Variants in POU2F3 observed in about 807,000 individuals in gnomAD.
POU2F3 encodes the protein POU domain, class 2, transcription factor 3.
POU2F3 carries 23 observed loss-of-function variants against 59.2 expected under a neutral mutation model. That is an observed-to-expected ratio of 0.39 (90% CI 0.28 to 0.55). The LOEUF (loss-of-function observed/expected upper bound fraction) is 0.55, where lower values mean the gene tolerates loss of function less well. POU2F3 is among the 20% of genes least tolerant of loss of function. The pLI is 0.66. For synonymous variants in POU2F3, 190 were observed against 214.6 expected (o/e 0.89, Z 1.00); for missense variants, 473 against 544.5 (o/e 0.87, Z 1.31).
chr11:120,236,648 A>G (rs978854175), upstream of POU2F3: 35 of 1,479,428 alleles, frequency 2.4e-5, no homozygotes, highest in African/African-American at 3.5e-4. Context: ...ATCTCACTCC[A>G]GCCCAGAGCT....
At chr11:120,262,763 G>A (rs1414713626) in intron 2 of POU2F3, among the ~76,000 whole-genome samples, 1 of 152,188 alleles carries the variant, frequency 6.6e-6, no homozygotes, top group Non-Finnish European at 1.5e-5. Context: ...TCTTAAAAGT[G>A]GAGCATATCT....
chr11:120,297,802 A>G (rs575139553), intron 3 of POU2F3, among the ~76,000 whole-genome samples: 5 of 152,136 alleles, frequency 3.3e-5, no homozygotes, highest in South Asian at 2.1e-4. Flanking sequence ...ACAGGGTCTC[A>G]CTGTGTCACC....
Position 120,315,356 on chromosome 11 carries a change from TTCAGGTA to T in POU2F3, c.1069-2_1073del. The T allele has an allele frequency of 6.2e-7, 1 of 1,611,472 alleles. No homozygotes were observed. Among genetic ancestry groups the T allele is most frequent in the Non-Finnish European group, 8.5e-7 (1 of 1,177,586 alleles). On this transcript the variant is annotated splice_acceptor_variant and splice_polypyrimidine_tract_variant and coding_sequence_variant and intron_variant, in exon 11 of 13. Coordinates refer to ENST00000543440, the MANE Select transcript of POU2F3 (RefSeq NM_014352.4). LOFTEE classifies it high-confidence loss of function. ...GGACATTTACAAGCTTCTGTTGTTT[TTCAGGTA>T]TCTCCCTCAGGGTCTCTGGGCCCCC...
At chr11:120,309,165 A>G (rs904982468) in intron 9 of POU2F3, among the ~76,000 whole-genome samples, 3 of 152,072 alleles carry the variant, frequency 2.0e-5, no homozygotes, top group Non-Finnish European at 4.4e-5. Context: ...GACAGTTTAC[A>G]CACATTTTCT....
At chr11:120,318,141 T>C (rs1941836137) in intron 12 of POU2F3, among the ~76,000 whole-genome samples, 1 of 152,202 alleles carries the variant, frequency 6.6e-6, no homozygotes, top group Non-Finnish European at 1.5e-5. Context: ...GAGGTATAAT[T>C]CATATACCAT....
intron 2 of POU2F3, among the ~76,000 whole-genome samples, chr11:120,254,465 T>C (rs1939249373): frequency 6.6e-6 from 1 of 152,060 alleles, no homozygotes; most frequent in Non-Finnish European, 1.5e-5. Context: ...AAGTTGGAGT[T>C]TGGGGCCAGC....
At chr11:120,298,009 T>G (rs930140712) in intron 3 of POU2F3, among the ~76,000 whole-genome samples, 1 of 149,960 alleles carries the variant, frequency 6.7e-6, no homozygotes, top group Non-Finnish European at 1.5e-5. Context: ...AATTCCTACA[T>G]CGAGCCCTAC....
intron 2 of POU2F3, among the ~76,000 whole-genome samples, chr11:120,247,165 T>C (rs1298618316): frequency 2.0e-5 from 3 of 152,214 alleles, no homozygotes; most frequent in Non-Finnish European, 4.4e-5. Context: ...TTTACCTCCA[T>C]AGTTCAAGCC....
Position 120,309,581 on chromosome 11 carries a change from C to T in POU2F3, c.1063C>T (p.Arg355Trp), listed in dbSNP as rs769853462. 50 of 1,612,730 alleles carry T rather than the reference C, an allele frequency of 3.1e-5. No homozygotes were observed. The highest frequency in any genetic ancestry group is 2.0e-4 in the African/African-American group (15 of 74,884). Residue 355 changes from arginine (R) to tryptophan (W), a missense_variant, in exon 10 of 13, where the codon CGG becomes TGG. Coordinates refer to ENST00000543440, the MANE Select transcript of POU2F3 (RefSeq NM_014352.4). Reference sequence around the variant, plus strand: ...CATCAAACCACCTGTCTACAACTCCCGGCTGGTGAGTGGCCAGGAACCAAG... The same window carrying T: ...CATCAAACCACCTGTCTACAACTCCTGGCTGGTGAGTGGCCAGGAACCAAG... Reference protein sequence around the residue: ...TPIKPPVYNSRLVSPSGSLGP... With the variant: ...TPIKPPVYNSWLVSPSGSLGP...
chr11:120,273,172 C>T (rs1427205787), intron 3 of POU2F3, among the ~76,000 whole-genome samples: 5 of 152,130 alleles, frequency 3.3e-5, no homozygotes, highest in African/African-American at 7.2e-5. Flanking sequence ...TGTGAGCCAG[C>T]GAAAAGAATC....
intron 2 of POU2F3, among the ~76,000 whole-genome samples, chr11:120,247,907 G>C (rs1436967209): frequency 6.6e-6 from 1 of 152,194 alleles, no homozygotes; most frequent in African/African-American, 2.4e-5. Flanking sequence ...ACAGCTAAGA[G>C]AGCGTCCACA....
intron 5 of POU2F3, among the ~76,000 whole-genome samples, chr11:120,300,409 C>A (rs562358701): frequency 1.3e-5 from 2 of 152,096 alleles, no homozygotes; most frequent in Admixed American, 1.3e-4. Context: ...GAGACCCATA[C>A]TCTTGGTCAT....
At chr11:120,249,357 C>G (rs1251168565) in intron 2 of POU2F3, among the ~76,000 whole-genome samples, 17 of 152,132 alleles carry the variant, frequency 1.1e-4, no homozygotes. Context: ...TCCTCCACTT[C>G]TTTTTTTGAG....
At position 120,287,111 on chromosome 11, in the gene POU2F3, C is replaced by T. The variant is rs577682104; in HGVS notation, c.133-11154C>T. On this transcript the variant is annotated intron_variant, in intron 3 of 12. Transcript: ENST00000543440. ...TTCAATGATAGTATCTGTCTGATCC[C>T]CCATTCTAAAAACCTGATGTTAAAG... Among the ~76,000 whole-genome samples, 7 of 152,250 alleles carry T rather than the reference C, an allele frequency of 4.6e-5. No individual in the cohort carries two copies. In the South Asian group the frequency reaches 1.5e-3, roughly 32 times the overall value.
At chr11:120,289,971 C>G (rs546763967) in intron 3 of POU2F3, among the ~76,000 whole-genome samples, 5 of 152,170 alleles carry the variant, frequency 3.3e-5, no homozygotes, top group Non-Finnish European at 7.3e-5. Context: ...TTTTGGTATA[C>G]AGTAGGTGCT....
intron 11 of POU2F3, among the ~76,000 whole-genome samples, chr11:120,317,007 C>G (rs1011813720): frequency 6.6e-6 from 1 of 152,152 alleles, no homozygotes; most frequent in African/African-American, 2.4e-5. Flanking sequence ...ACACCACTCT[C>G]CAGGGCCTGG....
intron 3 of POU2F3, among the ~76,000 whole-genome samples, chr11:120,278,886 C>T (rs1177922984): frequency 1.3e-5 from 2 of 152,150 alleles, no homozygotes; most frequent in African/African-American, 4.8e-5. Flanking sequence ...ACATTCTGCA[C>T]ATGTATCCCA....
chr11:120,285,674 A>T lies in POU2F3; in HGVS notation c.133-12591A>T, dbSNP rs1370088059. Among the ~76,000 whole-genome samples, 8 of 152,230 alleles carry T rather than the reference A, an allele frequency of 5.3e-5. No individual in the cohort carries two copies. Among genetic ancestry groups the T allele is most frequent in the Admixed American group, 5.2e-4 (8 of 15,286 alleles). On this transcript the variant is annotated intron_variant, in intron 3 of 12. Transcript: ENST00000543440. The surrounding 1 kb of genome is among the most constrained non-coding windows in gnomAD (Gnocchi z 4.3). ...AACTCCTTTTATCAGGGTAGCGTAT[A>T]TATGTCTGGAAGACTTTTTCTCTGG...
At chr11:120,272,964 C>A (rs1326153635) in intron 3 of POU2F3, among the ~76,000 whole-genome samples, 1 of 152,144 alleles carries the variant, frequency 6.6e-6, no homozygotes, top group Non-Finnish European at 1.5e-5. Context: ...TGTCTGAGGC[C>A]CCAAACAGTC....
Sources: gnomAD v4.1 joint callset for allele counts (sites outside exome capture counted in the v4.1 genomes callset) on GRCh38, gnomAD v4.1.1 for gene constraint, Gnocchi (gnomAD v3.1) non-coding constraint, MANE v1.5 for transcripts, NCBI Gene and HGNC (gene_info 2026-07-23, HGNC 2026-07-21) for gene names.